The following KSR2 variants were observed in gnomAD, a reference collection of about 807,000 sequenced individuals.
KSR2 encodes the protein kinase suppressor of ras 2.
Under a neutral mutation model 107.8 loss-of-function variants are expected in KSR2, and 25 were observed. The observed-to-expected ratio is 0.23, with a 90% confidence interval of 0.17 to 0.32. The LOEUF (loss-of-function observed/expected upper bound fraction) is 0.32. Ranked by LOEUF, KSR2 falls within the 10% of genes least tolerant of loss-of-function variation. The pLI, the probability that KSR2 is intolerant of heterozygous loss-of-function variation, is 1.00. For synonymous variants in KSR2, 480 were observed against 507.0 expected (o/e 0.95, Z 0.71); for missense variants, 887 against 1,268.9 (o/e 0.70, Z 4.57).
At chr12:117,903,452 C>A (rs1156649478) in intron 1 of KSR2, among the ~76,000 whole-genome samples, 1 of 152,146 alleles carries the variant, frequency 6.6e-6, no homozygotes, top group Non-Finnish European at 1.5e-5. Flanking sequence ...AAGTATATCC[C>A]AAATACTACA....
chr12:117,527,393 A>G (rs1724617118), intron 12 of KSR2, among the ~76,000 whole-genome samples: 1 of 151,738 alleles, frequency 6.6e-6, no homozygotes, highest in Admixed American at 6.6e-5. Context: ...ACCTTGTTTT[A>G]AGTTGATTTT....
chr12:117,930,599 G>A (rs978075344), intron 1 of KSR2, among the ~76,000 whole-genome samples: 7 of 152,096 alleles, frequency 4.6e-5, no homozygotes, highest in Admixed American at 2.0e-4. Context: ...CTAAATTCTC[G>A]CTGTAGTTAT....
intron 3 of KSR2, among the ~76,000 whole-genome samples, chr12:117,771,352 G>A (rs1000399237): frequency 1.3e-5 from 2 of 152,046 alleles, no homozygotes; most frequent in Admixed American, 1.3e-4. Flanking sequence ...GAGTTGTCCC[G>A]CCTTTCTGAA....
intron 5 of KSR2, among the ~76,000 whole-genome samples, chr12:117,653,514 A>T (rs1350594463): frequency 6.6e-6 from 1 of 152,204 alleles, no homozygotes; most frequent in African/African-American, 2.4e-5. Context: ...ACATGATGAC[A>T]TTATGTTGAT....
rs1423966180 is a variant in KSR2, at chr12:117,809,758, C to A, written c.472+45670G>T. Among the ~76,000 whole-genome samples the A allele has an allele frequency of 2.6e-5, 4 of 152,120 alleles. No homozygotes were observed. In the East Asian group the frequency reaches 7.7e-4, roughly 29 times the overall value. On this transcript the variant is annotated intron_variant, in intron 3 of 19. Coordinates refer to ENST00000339824, the MANE Select transcript of KSR2 (RefSeq NM_173598.6). ...TTGTTCTCTGCTGTATCCCTCACGC[C>A]CAGCCCAGCATCCAGCTCCTAGCAG...
chr12:117,517,000 T>C (rs1489108541), intron 14 of KSR2, among the ~76,000 whole-genome samples: 1 of 152,154 alleles, frequency 6.6e-6, no homozygotes, highest in Non-Finnish European at 1.5e-5. Context: ...TGTGTACCAC[T>C]TGTAGGCGGC....
chr12:117,968,889 C>G lies in KSR2; in HGVS notation c.-634G>C. On this transcript the variant is annotated 5_prime_UTR_variant, in exon 1 of 20. Transcript: ENST00000339824. ...CTGCGGCTGGCTGCTGTCTCCTCCCCGCGCTGCTGCTGCTGCTGCTGCTGC... is the reference window on the plus strand; with the variant it reads ...CTGCGGCTGGCTGCTGTCTCCTCCCGGCGCTGCTGCTGCTGCTGCTGCTGC... 4.0e-6 allele frequency: 1 copy of G among 250,158 alleles called. No individual in the cohort carries two copies. The highest frequency in any genetic ancestry group is 3.7e-5 in the South Asian group (1 of 26,686). 15.5% of individuals were successfully genotyped at this position (250,158 alleles called of 1,614,324 possible).
At chr12:117,589,994 G>A (rs146544692) in intron 5 of KSR2, among the ~76,000 whole-genome samples, 85 of 152,284 alleles carry the variant, frequency 5.6e-4, no homozygotes, top group African/African-American at 1.8e-3. Context: ...TCATGTCATC[G>A]GGGAAGAAAT....
chr12:117,930,392 A>C lies in KSR2; in HGVS notation c.180+37684T>G, dbSNP rs561818998. Among the ~76,000 whole-genome samples the C allele has an allele frequency of 4.6e-5, 7 of 152,220 alleles. 1 individual carries two copies. In the South Asian group the frequency reaches 1.5e-3, roughly 32 times the overall value. On this transcript the variant is annotated intron_variant, in intron 1 of 19. Coordinates refer to ENST00000339824, the MANE Select transcript of KSR2 (RefSeq NM_173598.6). ...TATACTGGAGTTGTTCTGAGGACTA[A>C]ACTGGTGTTCTCAAACTTTAATATG... is the stretch of plus-strand genomic sequence containing the variant.
At chr12:117,489,831 C>T (rs981498854) in intron 14 of KSR2, among the ~76,000 whole-genome samples, 1 of 152,140 alleles carries the variant, frequency 6.6e-6, no homozygotes, top group African/African-American at 2.4e-5. Flanking sequence ...AGGCAGATGT[C>T]CAGGATGACT....
chr12:117,515,301 G>A (rs1182810659), intron 14 of KSR2, among the ~76,000 whole-genome samples: 3 of 152,116 alleles, frequency 2.0e-5, no homozygotes, highest in Non-Finnish European at 4.4e-5. Flanking sequence ...TCCCTCCAGT[G>A]CGTACTATAT....
chr12:117,594,267 C>T (rs185454795), intron 5 of KSR2, among the ~76,000 whole-genome samples: 382 of 152,242 alleles, frequency 2.5e-3, no homozygotes, highest in African/African-American at 9.0e-3. Flanking sequence ...CGGGGACAGA[C>T]CAGACAAGCT....
At chr12:117,813,827 T>C (rs1230507034) in intron 3 of KSR2, among the ~76,000 whole-genome samples, 1 of 152,220 alleles carries the variant, frequency 6.6e-6, no homozygotes, top group Non-Finnish European at 1.5e-5. Context: ...TACACTCTCA[T>C]GTTTATTGCA....
chr12:117,927,526 T>C (rs1433461825), intron 1 of KSR2, among the ~76,000 whole-genome samples: 2 of 151,528 alleles, frequency 1.3e-5, no homozygotes, highest in East Asian at 3.8e-4. Context: ...ACCCTGTCTC[T>C]ACTAAAAAAT....
At chr12:117,619,750 T>C (rs940688432) in intron 5 of KSR2, among the ~76,000 whole-genome samples, 1 of 151,730 alleles carries the variant, frequency 6.6e-6, no homozygotes, top group African/African-American at 2.4e-5. Context: ...CAATTAATCA[T>C]CTCATGTGAG....
chr12:117,514,110 A>C (rs549982396), intron 14 of KSR2, among the ~76,000 whole-genome samples: 1 of 152,344 alleles, frequency 6.6e-6, no homozygotes, highest in Admixed American at 6.5e-5. Context: ...TGTTGCCCAC[A>C]CTTGCCTTCA....
At position 117,761,540 on chromosome 12, in the gene KSR2, A is replaced by G. The variant is rs1464949230; in HGVS notation, c.473-16T>C. 1 of 1,612,908 alleles carries G rather than the reference A, an allele frequency of 6.2e-7. No homozygotes were observed. The highest frequency in any genetic ancestry group is 1.7e-5 in the Admixed American group (1 of 59,986). ...AGGTTGCCTCCTGAGTTGGAACAGAAGAGCAGAGACAATGGGTAAGCCATG... is the reference window on the plus strand; with the variant it reads ...AGGTTGCCTCCTGAGTTGGAACAGAGGAGCAGAGACAATGGGTAAGCCATG... On this transcript the variant is annotated splice_polypyrimidine_tract_variant and intron_variant, in intron 3 of 19. Coordinates refer to ENST00000339824, the MANE Select transcript of KSR2 (RefSeq NM_173598.6).
intron 5 of KSR2, among the ~76,000 whole-genome samples, chr12:117,650,874 T>G (rs1883876364): frequency 1.3e-5 from 2 of 152,178 alleles, no homozygotes; most frequent in African/African-American, 2.4e-5. Context: ...TTGCCCTGAG[T>G]GAGTCTTATC....
chr12:117,712,975 TATAG>T (rs1886843355), intron 4 of KSR2, among the ~76,000 whole-genome samples: 1 of 151,326 alleles, frequency 6.6e-6, no homozygotes, highest in East Asian at 1.9e-4. Flanking sequence ...TTTAAGTAGA[TATAG>T]ATAGATAATA....
Sources: gnomAD v4.1 joint callset for allele counts (sites outside exome capture counted in the v4.1 genomes callset) on GRCh38, gnomAD v4.1.1 for gene constraint, MANE v1.5 for transcripts, NCBI Gene and HGNC (gene_info 2026-07-23, HGNC 2026-07-21) for gene names.